The following CADM2 variants were observed in gnomAD, a reference collection of about 807,000 sequenced individuals.
CADM2 encodes the protein immunoglobulin superfamily member 4D.
CADM2 carries 12 observed loss-of-function variants against 49.8 expected under a neutral mutation model. The observed-to-expected ratio is 0.24, with a 90% CI of 0.15 to 0.39. CADM2 has a LOEUF of 0.39. Among genes scored for constraint, CADM2 ranks in the 10% least tolerant of loss-of-function variants. CADM2 has a pLI of 1.00. For synonymous variants in CADM2, 214 were observed against 175.4 expected (o/e 1.22, Z -1.74); for missense variants, 378 against 492.3 (o/e 0.77, Z 2.20).
intron 8 of CADM2, among the ~76,000 whole-genome samples, chr3:86,034,734 A>T (rs1170958309): frequency 1.3e-5 from 2 of 152,016 alleles, no homozygotes; most frequent in African/African-American, 4.8e-5. Context: ...TATATAAAGA[A>T]ATATTTCACA....
intron 8 of CADM2, chr3:85,992,585 A>G (rs921162838): frequency 6.6e-6 from 1 of 152,162 alleles, no homozygotes; most frequent in Non-Finnish European, 1.5e-5. Context: ...TTACAATATC[A>G]TGAGTCTCAC....
chr3:85,882,560 C>T (rs1011444321), intron 3 of CADM2, among the ~76,000 whole-genome samples: 9 of 151,978 alleles, frequency 5.9e-5, no homozygotes, highest in African/African-American at 1.4e-4. Context: ...GCTTAATTCC[C>T]GATTCTACAG....
At chr3:85,912,105 G>A (rs906374688) in intron 5 of CADM2, among the ~76,000 whole-genome samples, 5 of 151,676 alleles carry the variant, frequency 3.3e-5, no homozygotes, top group African/African-American at 9.7e-5. Context: ...CACCACATCC[G>A]GCTAATTTTT....
chr3:85,778,674 G>A (rs564098919), intron 2 of CADM2, among the ~76,000 whole-genome samples: 1 of 152,150 alleles, frequency 6.6e-6, no homozygotes, highest in South Asian at 2.1e-4. Flanking sequence ...CCAGTCTTGG[G>A]TATTTCTTCA....
intron 1 of CADM2, among the ~76,000 whole-genome samples, chr3:85,305,376 CT>C (rs2044188634): frequency 6.6e-6 from 1 of 151,504 alleles, no homozygotes; most frequent in Admixed American, 6.6e-5. Flanking sequence ...ACTTTGATAT[CT>C]ATGAATTACC....
chr3:85,797,518 G>C (rs939595078), intron 2 of CADM2, among the ~76,000 whole-genome samples: 4 of 152,028 alleles, frequency 2.6e-5, no homozygotes, highest in Non-Finnish European at 5.9e-5. Context: ...GTTTGGTTTT[G>C]TGTTTCTGTG....
chr3:85,802,597 A>G (rs2072119466), intron 3 of CADM2, among the ~76,000 whole-genome samples: 1 of 152,106 alleles, frequency 6.6e-6, no homozygotes. Flanking sequence ...TGAAAAGTTT[A>G]ATGATTTTAT....
intron 1 of CADM2, among the ~76,000 whole-genome samples, chr3:85,162,958 G>A (rs1297039854): frequency 6.6e-6 from 1 of 151,716 alleles, no homozygotes; most frequent in African/African-American, 2.4e-5. Flanking sequence ...ATATATATAT[G>A]ACTATTGAAA....
chr3:85,941,178 C>G (rs1266118765), intron 7 of CADM2, among the ~76,000 whole-genome samples: 1 of 152,004 alleles, frequency 6.6e-6, no homozygotes, highest in Non-Finnish European at 1.5e-5. Context: ...TACATCATAA[C>G]AATGAGGGTG....
At chr3:86,031,000 T>C (rs994936078) in intron 8 of CADM2, among the ~76,000 whole-genome samples, 3 of 151,862 alleles carry the variant, frequency 2.0e-5, no homozygotes, top group African/African-American at 7.2e-5. Context: ...TTTAGGTAGA[T>C]TTGGACGTTC....
At chr3:85,769,586 T>C (rs946781427) in intron 2 of CADM2, among the ~76,000 whole-genome samples, 1 of 98,700 alleles carries the variant, frequency 1.0e-5, no homozygotes. Flanking sequence ...TATATACATA[T>C]ATAGTATATA....
At chr3:85,554,876 ATT>A (rs745520068) in intron 1 of CADM2, among the ~76,000 whole-genome samples, 8,704 of 92,704 alleles carry the variant, frequency 0.094, 621 homozygotes, top group East Asian at 0.31. Flanking sequence ...TATTTTTTTT[ATT>A]TTTATTTTTT....
At chr3:85,896,544 G>C (rs1360161911) in intron 5 of CADM2, among the ~76,000 whole-genome samples, 1 of 152,140 alleles carries the variant, frequency 6.6e-6, no homozygotes. Flanking sequence ...GTGTACACCT[G>C]GTTAGGCACC....
chr3:85,888,490 A>G (rs1213043242), intron 5 of CADM2, among the ~76,000 whole-genome samples: 1 of 152,190 alleles, frequency 6.6e-6, no homozygotes, highest in Non-Finnish European at 1.5e-5. Context: ...ACAGAATCAG[A>G]ATATGGTTCT....
At chr3:85,073,535 T>A (rs558572434) in intron 1 of CADM2, among the ~76,000 whole-genome samples, 1 of 152,064 alleles carries the variant, frequency 6.6e-6, no homozygotes, top group Admixed American at 6.6e-5. Flanking sequence ...CTCTAATGAA[T>A]CCCCATGTCA....
At chr3:85,215,187 C>T (rs1331707430) in intron 1 of CADM2, among the ~76,000 whole-genome samples, 1 of 151,440 alleles carries the variant, frequency 6.6e-6, no homozygotes, top group Non-Finnish European at 1.5e-5. Context: ...TGAATCCTGC[C>T]AGGAAGGAAT....
intron 1 of CADM2, among the ~76,000 whole-genome samples, chr3:85,121,043 G>T (rs186285318): frequency 1.8e-3 from 272 of 152,262 alleles, no homozygotes; most frequent in Non-Finnish European, 3.5e-3. Context: ...TAGTCCACTT[G>T]AGACAAGGAG....
At chr3:85,788,214 T>G (rs2071112420) in intron 2 of CADM2, among the ~76,000 whole-genome samples, 1 of 152,150 alleles carries the variant, frequency 6.6e-6, no homozygotes, top group African/African-American at 2.4e-5. Context: ...TTGAGGTATA[T>G]TTTATCAGTA....
intron 2 of CADM2, among the ~76,000 whole-genome samples, chr3:85,767,323 C>T (rs1034909296): frequency 3.9e-5 from 6 of 152,072 alleles, no homozygotes; most frequent in Admixed American, 6.6e-5. Flanking sequence ...GCGGCTGCTT[C>T]GAAGGCATGT....
Sources: gnomAD v4.1 joint callset for allele counts (sites outside exome capture counted in the v4.1 genomes callset) on GRCh38, gnomAD v4.1.1 for gene constraint, MANE v1.5 for transcripts, NCBI Gene and HGNC (gene_info 2026-07-23, HGNC 2026-07-21) for gene names.